KIAA1217: variants seen among roughly 807,000 people sequenced by gnomAD.
KIAA1217 encodes KIAA1217, also known as sickle tail protein homolog.
A neutral mutation model predicts 163.9 loss-of-function variants in KIAA1217; 88 were observed. That is an observed-to-expected ratio of 0.54 (90% CI 0.45 to 0.64). KIAA1217 has a LOEUF of 0.64. Ranked by LOEUF, KIAA1217 falls within the 30% of genes least tolerant of loss-of-function variation. KIAA1217 has a pLI of 0.00. For synonymous variants in KIAA1217, 903 were observed against 923.1 expected (o/e 0.98, Z 0.39); for missense variants, 2,372 against 2,475.0 (o/e 0.96, Z 0.88).
intron 1 of KIAA1217, among the ~76,000 whole-genome samples, chr10:23,790,703 A>G (rs1423307921): frequency 8.3e-6 from 1 of 120,036 alleles, no homozygotes; most frequent in Non-Finnish European, 1.6e-5. Context: ...ATATACACAC[A>G]CATATATATA....
At chr10:24,322,083 G>A (rs2133319813) in intron 2 of KIAA1217, among the ~76,000 whole-genome samples, 1 of 152,106 alleles carries the variant, frequency 6.6e-6, no homozygotes, top group African/African-American at 2.4e-5. Context: ...TGAGTAGCTG[G>A]GATCACAGGT....
At chr10:24,257,202 G>A (rs2075254412) in intron 2 of KIAA1217, among the ~76,000 whole-genome samples, 1 of 152,180 alleles carries the variant, frequency 6.6e-6, no homozygotes, top group Admixed American at 6.5e-5. Flanking sequence ...GTCCAGAGAG[G>A]CTCTTCAGTT....
chr10:24,163,113 G>C (rs985238054), intron 2 of KIAA1217, among the ~76,000 whole-genome samples: 2 of 152,192 alleles, frequency 1.3e-5, no homozygotes, highest in African/African-American at 4.8e-5. Flanking sequence ...GACCCTCTTG[G>C]AGGCTGCCTA....
chr10:23,802,056 T>G (rs1836492311), intron 1 of KIAA1217, among the ~76,000 whole-genome samples: 1 of 152,212 alleles, frequency 6.6e-6, no homozygotes, highest in South Asian at 2.1e-4. Context: ...GGAAATAGTT[T>G]TCTATCAGGA....
chr10:23,824,659 ATATATAT>A (rs1837810736), intron 1 of KIAA1217, among the ~76,000 whole-genome samples: 4 of 67,568 alleles, frequency 5.9e-5, no homozygotes, highest in African/African-American at 2.3e-4. Flanking sequence ...AATAAAAAAA[ATATATAT>A]ATATATATAT....
chr10:24,473,190 A>G lies in KIAA1217; in HGVS notation c.847-38A>G, dbSNP rs767042137. The G allele has an allele frequency of 2.1e-6, 3 of 1,421,154 alleles. No individual in the cohort carries two copies. In the Admixed American group the frequency reaches 6.9e-5, roughly 33 times the overall value. 88.0% of individuals were successfully genotyped at this position (1,421,154 alleles called of 1,614,324 possible). On this transcript the variant is annotated intron_variant, in intron 5 of 20. Coordinates refer to ENST00000376454, the MANE Select transcript of KIAA1217 (RefSeq NM_019590.5). ...CTGAGACTTCTCTTGAAACACGAAT[A>G]TCAAAGTCAACTTTCTGATCCCTTG...
intron 2 of KIAA1217, among the ~76,000 whole-genome samples, chr10:24,178,643 C>G (rs2066021392): frequency 6.6e-6 from 1 of 152,234 alleles, no homozygotes; most frequent in Non-Finnish European, 1.5e-5. Flanking sequence ...AAAAGGGACT[C>G]TTCTTATGTT....
intron 2 of KIAA1217, among the ~76,000 whole-genome samples, chr10:24,188,069 C>A (rs28579057): frequency 6.9e-6 from 1 of 145,400 alleles, no homozygotes; most frequent in Non-Finnish European, 1.5e-5. Context: ...ATGGTGGCAG[C>A]GCCTGTAATC....
At chr10:24,286,684 G>A (rs2078577367) in intron 2 of KIAA1217, among the ~76,000 whole-genome samples, 1 of 152,162 alleles carries the variant, frequency 6.6e-6, no homozygotes, top group Admixed American at 6.5e-5. Flanking sequence ...GACTTCAGAA[G>A]TCTTCCAGAG....
At chr10:24,325,631 T>C (rs1191625480) in intron 2 of KIAA1217, among the ~76,000 whole-genome samples, 1 of 152,230 alleles carries the variant, frequency 6.6e-6, no homozygotes, top group Non-Finnish European at 1.5e-5. Context: ...AAGTGGCCGG[T>C]TGATCCTATA....
intron 10 of KIAA1217, among the ~76,000 whole-genome samples, chr10:24,519,131 G>C (rs1236959812): frequency 6.6e-6 from 1 of 152,036 alleles, no homozygotes; most frequent in Non-Finnish European, 1.5e-5. Context: ...TTTCTCTTTC[G>C]GACGCTGGCT....
chr10:24,358,606 G>A (rs1488112203), intron 2 of KIAA1217, among the ~76,000 whole-genome samples: 2 of 152,200 alleles, frequency 1.3e-5, no homozygotes, highest in Non-Finnish European at 2.9e-5. Context: ...TAGGAAGGGT[G>A]GATATTGAGA....
At chr10:23,727,255 A>T (rs897426616) in intron 1 of KIAA1217, among the ~76,000 whole-genome samples, 5 of 151,910 alleles carry the variant, frequency 3.3e-5, no homozygotes, top group Non-Finnish European at 7.4e-5. Flanking sequence ...CCTCCCAGGC[A>T]TCTTTCTAAA....
intron 1 of KIAA1217, among the ~76,000 whole-genome samples, chr10:23,857,155 G>A (rs947180644): frequency 2.6e-5 from 4 of 152,060 alleles, no homozygotes; most frequent in East Asian, 1.9e-4. Flanking sequence ...CCATCTTGGC[G>A]CTCTCTCAGG....
At chr10:24,414,388 G>C (rs757435020) in intron 3 of KIAA1217, among the ~76,000 whole-genome samples, 2 of 152,190 alleles carry the variant, frequency 1.3e-5, no homozygotes, top group Non-Finnish European at 2.9e-5. Context: ...TTCCACCTGG[G>C]GTAGGTGCTC....
At chr10:23,772,468 C>T (rs1834840224) in intron 1 of KIAA1217, among the ~76,000 whole-genome samples, 1 of 151,918 alleles carries the variant, frequency 6.6e-6, no homozygotes, top group Admixed American at 6.6e-5. Context: ...AAAGAAAGAA[C>T]AACAACAAAA....
chr10:24,108,287 G>T (rs2062708118), intron 2 of KIAA1217, among the ~76,000 whole-genome samples: 2 of 152,180 alleles, frequency 1.3e-5, no homozygotes. Flanking sequence ...AAATATTTCG[G>T]TAGCAAAAAC....
chr10:24,513,237 G>A (rs115321607), intron 9 of KIAA1217, 22 bp from the exon 10 acceptor site: 4 of 1,611,618 alleles, frequency 2.5e-6, no homozygotes, highest in Non-Finnish European at 3.4e-6. Context: ...GCCCACTGAG[G>A]TTGATTTTTT....
intron 2 of KIAA1217, among the ~76,000 whole-genome samples, chr10:24,186,612 C>A (rs1187880790): frequency 6.6e-6 from 1 of 152,082 alleles, no homozygotes; most frequent in Admixed American, 6.6e-5. Flanking sequence ...TTAATCTGGC[C>A]AGGCACAGTG....
Sources: allele counts gnomAD v4.1 joint callset (sites outside exome capture counted in the v4.1 genomes callset), GRCh38; gene constraint gnomAD v4.1.1; transcripts MANE v1.5; gene names NCBI Gene and HGNC (gene_info 2026-07-23, HGNC 2026-07-21).